PARD3B: variants seen among roughly 807,000 people sequenced by gnomAD.
PARD3B encodes par-3 family cell polarity regulator beta, also known as partitioning defective 3 homolog B.
PARD3B carries 103 observed loss-of-function variants against 130.2 expected under a neutral mutation model. The ratio of observed to expected loss-of-function variants is 0.79; its 90% CI spans 0.67 to 0.93. The LOEUF is 0.93. PARD3B is among the 40% of genes least tolerant of loss of function. The pLI, the probability that PARD3B is intolerant of heterozygous loss-of-function variation, is 0.00. For synonymous variants in PARD3B, 583 were observed against 553.2 expected, an observed-to-expected ratio of 1.05 and a Z score of -0.76; for missense variants, 1,609 against 1,499.2, an observed-to-expected ratio of 1.07 and a Z score of -1.21.
intron 15 of PARD3B, among the ~76,000 whole-genome samples, chr2:205,215,488 A>G (rs1287345404): frequency 6.6e-6 from 1 of 152,144 alleles, no homozygotes; most frequent in Non-Finnish European, 1.5e-5. Flanking sequence ...AAATTATGGG[A>G]AAACAAATAT....
intron 21 of PARD3B, among the ~76,000 whole-genome samples, chr2:205,546,330 T>C (rs942776783): frequency 6.6e-6 from 1 of 152,190 alleles, no homozygotes; most frequent in Non-Finnish European, 1.5e-5. Context: ...GTTACACTGT[T>C]GTGTAAAAGG....
At chr2:204,787,587 A>G (rs1185639886) in intron 2 of PARD3B, among the ~76,000 whole-genome samples, 1 of 152,154 alleles carries the variant, frequency 6.6e-6, no homozygotes, top group Admixed American at 6.5e-5. Context: ...CTTGTTTCCC[A>G]TGACCATGTA....
chr2:204,558,791 A>G (rs1020852258), intron 1 of PARD3B, among the ~76,000 whole-genome samples: 2 of 152,210 alleles, frequency 1.3e-5, no homozygotes, highest in African/African-American at 2.4e-5. Flanking sequence ...ACTTCAAACT[A>G]TACTACAAGG....
intron 11 of PARD3B, among the ~76,000 whole-genome samples, chr2:205,171,704 T>A (rs567193204): frequency 1.3e-5 from 2 of 151,584 alleles, no homozygotes; most frequent in South Asian, 4.2e-4. Context: ...TATGTGGTTG[T>A]TTTTTTTTAG....
intron 1 of PARD3B, among the ~76,000 whole-genome samples, chr2:204,553,154 A>G (rs1021055596): frequency 1.3e-5 from 2 of 152,206 alleles, no homozygotes; most frequent in African/African-American, 4.8e-5. Flanking sequence ...AACAAGAAAA[A>G]AATGCTCAAC....
intron 18 of PARD3B, among the ~76,000 whole-genome samples, chr2:205,399,012 T>C (rs1472236395): frequency 6.6e-6 from 1 of 152,154 alleles, no homozygotes; most frequent in African/African-American, 2.4e-5. Flanking sequence ...CTCACGCCTG[T>C]AATCCCAGCA....
chr2:205,130,757 A>G (rs954915638), intron 10 of PARD3B, among the ~76,000 whole-genome samples: 4 of 152,180 alleles, frequency 2.6e-5, no homozygotes, highest in Admixed American at 6.5e-5. Context: ...GGCCTCTGCA[A>G]GTGAGATTAA....
chr2:205,465,008 A>G (rs1230474591), intron 20 of PARD3B, among the ~76,000 whole-genome samples: 2 of 152,196 alleles, frequency 1.3e-5, no homozygotes, highest in East Asian at 3.9e-4. Flanking sequence ...TAACAATGAC[A>G]TGACTTCGTT....
rs755719322 is a variant in PARD3B, at chr2:204,686,312, T to C, written c.222+30T>C. On this transcript the variant is annotated intron_variant, in intron 2 of 22. Coordinates refer to ENST00000406610, the MANE Select transcript of PARD3B (RefSeq NM_001302769.2). ...ATAACTCTAAAAATGTGCCTCTTTG[T>C]TTTCCTCTACAGAGCTGCATGTTTT... The C allele has an allele frequency of 6.1e-6, 9 of 1,476,908 alleles. No homozygotes were observed. The African/African-American group carries it at 9.7e-5, about 16-fold the overall frequency. 91.5% of individuals were successfully genotyped at this position (1,476,908 alleles called of 1,614,324 possible). A position where few individuals can be genotyped will look rare whatever the true frequency, so the allele number is the denominator to read the frequency against.
intron 18 of PARD3B, among the ~76,000 whole-genome samples, chr2:205,379,062 C>T (rs894750940): frequency 2.6e-5 from 4 of 151,900 alleles, no homozygotes; most frequent in African/African-American, 7.3e-5. Context: ...ACGAAAAAAA[C>T]TCTGAGAAAA....
At chr2:204,619,590 G>T (rs576650471) in intron 1 of PARD3B, among the ~76,000 whole-genome samples, 18 of 152,208 alleles carry the variant, frequency 1.2e-4, no homozygotes, top group African/African-American at 2.9e-4. Context: ...CACAATTCTT[G>T]ATTGCAGAGG....
In PARD3B at chr2:205,121,771, G is replaced by A; in HGVS notation, c.987G>A (p.Lys329=). Residue 329 remains lysine (K), a synonymous_variant, in exon 8 of 23, where the codon AAG becomes AAA. Coordinates refer to ENST00000406610, the MANE Select transcript of PARD3B (RefSeq NM_001302769.2). This position sits in a 1 kb window ranked among gnomAD's most constrained non-coding sequence, Gnocchi z 5.0. ...CTGTCCATGGAAAATCGGGACTAAAGACAGCAAATCTCACAGGAACCGATA... is the reference window on the plus strand; with the variant it reads ...CTGTCCATGGAAAATCGGGACTAAAAACAGCAAATCTCACAGGAACCGATA... ...PPPVHGKSGL[K]TANLTGTDSP... 6.2e-7 allele frequency: 1 copy of A among 1,614,050 alleles called. No homozygotes were observed. Among genetic ancestry groups the A allele is most frequent in the African/African-American group, 1.3e-5 (1 of 74,992 alleles).
intron 21 of PARD3B, among the ~76,000 whole-genome samples, chr2:205,510,658 A>G (rs1417054060): frequency 6.6e-6 from 1 of 152,230 alleles, no homozygotes; most frequent in East Asian, 1.9e-4. Context: ...ACCAGAAGAA[A>G]GTTGACTTCT....
chr2:204,586,006 C>T (rs2032807877), intron 1 of PARD3B, among the ~76,000 whole-genome samples: 1 of 152,142 alleles, frequency 6.6e-6, no homozygotes, highest in Non-Finnish European at 1.5e-5. Flanking sequence ...TAGTACACTG[C>T]ATTTTATTTG....
intron 2 of PARD3B, among the ~76,000 whole-genome samples, chr2:204,825,268 A>G (rs2043524225): frequency 6.6e-6 from 1 of 152,186 alleles, no homozygotes; most frequent in East Asian, 1.9e-4. Context: ...TGAATAGCAC[A>G]CTAATTATAA....
chr2:205,341,237 T>C lies in PARD3B; in HGVS notation c.2630+39536T>C, dbSNP rs918555622. On this transcript the variant is annotated intron_variant, in intron 18 of 22. Coordinates refer to ENST00000406610, the MANE Select transcript of PARD3B (RefSeq NM_001302769.2). The surrounding 1 kb of genome is among the most constrained non-coding windows in gnomAD (Gnocchi z 4.3). ...CTGCCATGCAATCCAACAATCCCAC[T>C]ACTGGGTATTTTTAAAGGAAAGGAG... 6.6e-6 allele frequency among the ~76,000 whole-genome samples: 1 copy of C among 151,868 alleles called. No individual in the cohort carries two copies. The highest frequency in any genetic ancestry group is 2.4e-5 in the African/African-American group (1 of 41,216).
intron 2 of PARD3B, among the ~76,000 whole-genome samples, chr2:204,954,536 A>G (rs1235900873): frequency 1.3e-5 from 2 of 152,186 alleles, no homozygotes; most frequent in African/African-American, 4.8e-5. Flanking sequence ...GTACCAATTA[A>G]TCACCAGCTA....
chr2:204,597,029 C>G (rs1265836504), intron 1 of PARD3B, among the ~76,000 whole-genome samples: 4 of 151,588 alleles, frequency 2.6e-5, no homozygotes, highest in African/African-American at 7.3e-5. Context: ...ATGGAACATT[C>G]GTATTTGTGG....
At chr2:204,590,417 T>C (rs766093054) in intron 1 of PARD3B, among the ~76,000 whole-genome samples, 1 of 152,216 alleles carries the variant, frequency 6.6e-6, no homozygotes, top group Non-Finnish European at 1.5e-5. Flanking sequence ...CAAAGAAACG[T>C]TGGCAAGAAT....
Sources: gnomAD v4.1 joint callset for allele counts (sites outside exome capture counted in the v4.1 genomes callset) on GRCh38, gnomAD v4.1.1 for gene constraint, Gnocchi (gnomAD v3.1) non-coding constraint, MANE v1.5 for transcripts, NCBI Gene and HGNC (gene_info 2026-07-23, HGNC 2026-07-21) for gene names.